ATXN7: variants seen among roughly 807,000 people sequenced by gnomAD.
ATXN7 encodes ataxin 7.
In ATXN7, 12 loss-of-function variants were observed where a neutral mutation model predicts 70.5. That is an observed-to-expected ratio of 0.17 (90% CI 0.11 to 0.28). ATXN7 has a LOEUF of 0.28. Ranked by LOEUF, ATXN7 falls within the 10% of genes least tolerant of loss-of-function variation. ATXN7 has a pLI of 1.00. For missense variants in ATXN7, 1,256 were observed against 1,131.7 expected (o/e 1.11, Z -1.58); for synonymous variants, 498 against 448.7 (o/e 1.11, Z -1.39).
At chr3:63,992,854 A>C (rs2075693590) in intron 11 of ATXN7, among the ~76,000 whole-genome samples, 1 of 152,150 alleles carries the variant, frequency 6.6e-6, no homozygotes, top group South Asian at 2.1e-4. Flanking sequence ...TTGCCTCCCA[A>C]CATAGGAGTG....
intron 4 of ATXN7, among the ~76,000 whole-genome samples, chr3:63,934,976 C>T (rs111317889): frequency 5.3e-5 from 8 of 152,328 alleles, no homozygotes; most frequent in African/African-American, 1.2e-4. Context: ...TGTCTGCAAA[C>T]GTTGCCAGTG....
intron 6 of ATXN7, 134 bp downstream of exon 6, chr3:63,980,301 T>C: frequency 8.3e-7 from 1 of 1,201,018 alleles, no homozygotes. Context: ...TATGTTGTAT[T>C]GTTTCTTGAT....
intron 11 of ATXN7, among the ~76,000 whole-genome samples, chr3:63,992,241 T>C (rs562221040): frequency 1.3e-5 from 2 of 152,366 alleles, no homozygotes; most frequent in East Asian, 3.9e-4. Context: ...TCCGTTTCCT[T>C]AGAACACCAG....
chr3:63,967,955 A>G, intron 5 of ATXN7: 1 of 1,535,908 alleles, frequency 6.5e-7, no homozygotes, highest in Non-Finnish European at 8.7e-7. Flanking sequence ...CCTTCTGCGC[A>G]GGAGCTGAAA....
intron 5 of ATXN7, among the ~76,000 whole-genome samples, chr3:63,964,194 C>T (rs925554512): frequency 6.6e-6 from 1 of 151,784 alleles, no homozygotes; most frequent in African/African-American, 2.4e-5. Flanking sequence ...AGAGATCTTT[C>T]AAAACGAGTG....
Position 63,975,943 on chromosome 3 carries a change from G to C in ATXN7, c.500-3972G>C, listed in dbSNP as rs533917573. Among the ~76,000 whole-genome samples the C allele has an allele frequency of 2.6e-3, 392 of 152,300 alleles. 2 individuals are homozygous for C. The highest frequency in any genetic ancestry group is 8.9e-3 in the African/African-American group (368 of 41,556). Reference sequence around the variant, plus strand: ...TCTGTACTTGTCTGTCAGTCGGCCTGTCTCTCCCTTACTGGAGCCATTCAT... The same window carrying C: ...TCTGTACTTGTCTGTCAGTCGGCCTCTCTCTCCCTTACTGGAGCCATTCAT... On this transcript the variant is annotated intron_variant, in intron 5 of 12. Coordinates refer to ENST00000674280, the MANE Select transcript of ATXN7 (RefSeq NM_001377405.1).
At chr3:63,993,429 G>A (rs942244545) in intron 11 of ATXN7, among the ~76,000 whole-genome samples, 2 of 150,666 alleles carry the variant, frequency 1.3e-5, no homozygotes, top group Non-Finnish European at 3.0e-5. Context: ...CAGCCTGGGG[G>A]TGACAGAGCG....
chr3:63,866,543 ACT>A (rs1702436536), intron 1 of ATXN7, among the ~76,000 whole-genome samples: 1 of 152,214 alleles, frequency 6.6e-6, no homozygotes, highest in Non-Finnish European at 1.5e-5. Flanking sequence ...GGTTTGAGCC[ACT>A]GTGTCCAGCC....
chr3:63,889,402 TTAAC>T (rs1430243757), intron 1 of ATXN7, among the ~76,000 whole-genome samples: 5 of 152,192 alleles, frequency 3.3e-5, no homozygotes, highest in African/African-American at 4.8e-5. Context: ...TTTACATTAA[TTAAC>T]TAATGCAAAG....
Position 63,912,569 on chromosome 3 carries a change from T to A in ATXN7, c.-11-19T>A. On this transcript the variant is annotated intron_variant, in intron 2 of 12. Coordinates refer to ENST00000674280, the MANE Select transcript of ATXN7 (RefSeq NM_001377405.1). Reference sequence around the variant, plus strand: ...GGCCCCCGCGCGACTCTTTCCCCCTTTTTTTTGTTACATTGTAGGAGCGGA... The same window carrying A: ...GGCCCCCGCGCGACTCTTTCCCCCTATTTTTTGTTACATTGTAGGAGCGGA... The A allele has an allele frequency of 8.9e-7, 1 of 1,119,654 alleles. No individual in the cohort carries two copies. Among genetic ancestry groups the A allele is most frequent in the Non-Finnish European group, 1.1e-6 (1 of 902,558 alleles). 69.4% of individuals were successfully genotyped at this position (1,119,654 alleles called of 1,614,324 possible). A position where few individuals can be genotyped will look rare whatever the true frequency, so the allele number is the denominator to read the frequency against.
At chr3:63,871,430 CA>C (rs1258718141) in intron 1 of ATXN7, among the ~76,000 whole-genome samples, 1 of 151,794 alleles carries the variant, frequency 6.6e-6, no homozygotes, top group Non-Finnish European at 1.5e-5. Context: ...AATATGAACC[CA>C]AAGTCATTAC....
intron 1 of ATXN7, among the ~76,000 whole-genome samples, chr3:63,874,838 C>A (rs142551597): frequency 6.6e-6 from 1 of 152,150 alleles, no homozygotes; most frequent in African/African-American, 2.4e-5. Context: ...AACAAGATAC[C>A]ATAAACTGGG....
chr3:63,949,306 TC>T (rs1408722781), intron 4 of ATXN7, among the ~76,000 whole-genome samples: 5 of 151,922 alleles, frequency 3.3e-5, no homozygotes, highest in African/African-American at 9.7e-5. Context: ...TTATTTTGTA[TC>T]CTCTAGTTTA....
chr3:63,896,419 TG>T (rs1243767446), intron 1 of ATXN7, among the ~76,000 whole-genome samples: 1 of 152,236 alleles, frequency 6.6e-6, no homozygotes, highest in Non-Finnish European at 1.5e-5. Flanking sequence ...TATTTCTCTT[TG>T]CAAAACAAAA....
In ATXN7 at chr3:63,952,421, A is replaced by G. The variant is rs369999332; in HGVS notation, c.437A>G (p.Tyr146Cys). ...TTCTGTCCAGCCCATGATGATTTCT[A>G]CTTGGTGGTGTGTAACGACTGTAAT... ...FGFCPAHDDF[Y>C]LVVCNDCNQV... The change falls in exon 5 of 13, where the codon TAC becomes TGC. Residue 146 changes from tyrosine to cysteine, a missense_variant. By Grantham distance (194) the Tyr-to-Cys change is radical. Coordinates refer to ENST00000674280, the MANE Select transcript of ATXN7 (RefSeq NM_001377405.1). 1.0e-4 allele frequency: 168 copies of G among 1,612,558 alleles called. No individual in the cohort carries two copies. Among genetic ancestry groups the G allele is most frequent in the Non-Finnish European group, 1.4e-4 (161 of 1,179,670 alleles).
At chr3:63,990,641 T>C in intron 10 of ATXN7, 97 bp from the exon 11 acceptor site, 1 of 1,579,194 alleles carries the variant, frequency 6.3e-7, no homozygotes, top group Non-Finnish European at 8.7e-7. Flanking sequence ...GGCAGTTCTG[T>C]CTTTCCTGAT....
chr3:63,968,098 G>C (rs2075256323), intron 5 of ATXN7: 1 of 767,170 alleles, frequency 1.3e-6, no homozygotes, highest in African/African-American at 1.7e-5. Flanking sequence ...TTTGGGAAGA[G>C]TTTATGCAGG....
chr3:63,910,179 T>C (rs987545406), intron 2 of ATXN7, among the ~76,000 whole-genome samples: 5 of 152,230 alleles, frequency 3.3e-5, no homozygotes, highest in African/African-American at 1.2e-4. Context: ...AGAAGTCATA[T>C]TAGTGAATCT....
Position 63,988,253 on chromosome 3 carries a change from C to A in ATXN7, c.1290C>A (p.His430Gln), listed in dbSNP as rs746927223. Residue 430 changes from histidine (H) to glutamine (Q), a missense_variant, in exon 9 of 13, where the codon CAC becomes CAA. Physicochemically the swap from His to Gln is conservative, Grantham distance 24. Transcript: ENST00000674280. The stretch of plus-strand genomic sequence containing the variant: ...CACAGGAGCCGCACCAAAACCCTCA[C>A]GGAGTGATTCCTTCCGAATCAAAGC... ...RTSQEPHQNP[H>Q]GVIPSESKPF... 37 of 1,614,000 alleles carry A rather than the reference C, an allele frequency of 2.3e-5. No individual in the cohort carries two copies. Among genetic ancestry groups the A allele is most frequent in the Non-Finnish European group, 3.1e-5 (36 of 1,180,040 alleles).
Sources: allele counts gnomAD v4.1 joint callset (sites outside exome capture counted in the v4.1 genomes callset), GRCh38; gene constraint gnomAD v4.1.1; transcripts MANE v1.5; gene names NCBI Gene and HGNC (gene_info 2026-07-23, HGNC 2026-07-21).